The following AKNA variants were observed in gnomAD, a reference collection of about 807,000 sequenced individuals.
The protein encoded by AKNA is AT-hook transcription factor.
A neutral mutation model predicts 138.8 loss-of-function variants in AKNA; 67 were observed. The observed-to-expected ratio is 0.48, with a 90% CI of 0.40 to 0.59. The LOEUF (loss-of-function observed/expected upper bound fraction) is 0.59, where lower values mean the gene tolerates loss of function less well. Ranked by LOEUF, AKNA falls within the 20% of genes least tolerant of loss-of-function variation. AKNA has a pLI of 0.00. For synonymous variants in AKNA, 737 were observed against 754.4 expected, an observed-to-expected ratio of 0.98 and a Z score of 0.38; for missense variants, 1,813 against 1,880.4, an observed-to-expected ratio of 0.96 and a Z score of 0.66.
chr9:114,346,499 G>A lies in AKNA; in HGVS notation c.3514+170C>T, dbSNP rs113071841. Reference sequence around the variant, plus strand: ...CAGACACCCTACACGCAGTAGGTGTGCAGGACTTTAGAAGTGCTCTGTGCT... The same window carrying A: ...CAGACACCCTACACGCAGTAGGTGTACAGGACTTTAGAAGTGCTCTGTGCT... On this transcript the variant is annotated intron_variant, in intron 17 of 21. Transcript: ENST00000374088. Among the ~76,000 whole-genome samples, 6 of 152,372 alleles carry A rather than the reference G, an allele frequency of 3.9e-5. 1 individual carries two copies. The highest frequency in any genetic ancestry group is 1.4e-4 in the African/African-American group (6 of 41,590).
intron 20 of AKNA, 91 bp from the exon 21 acceptor site, chr9:114,341,816 G>A: frequency 1.1e-5 from 15 of 1,420,306 alleles, no homozygotes; most frequent in Non-Finnish European, 1.4e-5. Context: ...CTTCCCCTAT[G>A]AGAGCTGGAC....
intron 17 of AKNA, 46 bp from the exon 18 acceptor site, chr9:114,346,055 T>G: frequency 6.8e-7 from 1 of 1,461,274 alleles, no homozygotes; most frequent in Non-Finnish European, 9.5e-7. Flanking sequence ...GGGGTGGGGG[T>G]CACATTTCTC....
intron 18 of AKNA, chr9:114,344,803 TC>T: frequency 6.3e-6 from 1 of 159,002 alleles, no homozygotes; most frequent in Non-Finnish European, 1.4e-5. Context: ...TGCTAGTAAG[TC>T]CACAGAGAGA....
chr9:114,345,576 G>C (rs1830626569), intron 18 of AKNA: 1 of 310,450 alleles, frequency 3.2e-6, no homozygotes, highest in Non-Finnish European at 6.0e-6. Flanking sequence ...CAGGTGATCA[G>C]AACTTCTTTA....
At chr9:114,346,568 C>T in intron 17 of AKNA, 101 bp downstream of exon 17, 2 of 929,496 alleles carry the variant, frequency 2.2e-6, no homozygotes, top group Non-Finnish European at 3.2e-6. Context: ...AAAAACCCTT[C>T]TCCAAGTTTC....
chr9:114,379,884 C>T (rs1321887929), intron 2 of AKNA, among the ~76,000 whole-genome samples: 1 of 152,208 alleles, frequency 6.6e-6, no homozygotes, highest in African/African-American at 2.4e-5. Context: ...GGCATGACGG[C>T]TCGCATCTGT....
chr9:114,349,895 T>C (rs1216300292), intron 15 of AKNA, among the ~76,000 whole-genome samples: 1 of 152,214 alleles, frequency 6.6e-6, no homozygotes, highest in African/African-American at 2.4e-5. Context: ...CTCTCTTCCT[T>C]CTGATGTCTG....
rs370887054 is a variant in AKNA, at chr9:114,343,688, T to C, written c.3757+20A>G. ...GCAGCCACAGCTGCCTGGGCCAGTT[T>C]TCCAGGTGCCATTCCTTACCCGCAT... On this transcript the variant is annotated intron_variant, in intron 19 of 21. Coordinates refer to ENST00000374088, the MANE Select transcript of AKNA (RefSeq NM_001317950.2). 1,291 of 1,613,022 alleles carry C rather than the reference T, an allele frequency of 8.0e-4. No homozygotes were observed. The highest frequency in any genetic ancestry group is 1.0e-3 in the Non-Finnish European group (1,198 of 1,178,952).
At chr9:114,386,230 A>G (rs1834021313) in intron 1 of AKNA, among the ~76,000 whole-genome samples, 1 of 152,242 alleles carries the variant, frequency 6.6e-6, no homozygotes, top group African/African-American at 2.4e-5. Context: ...GTAAGATGCA[A>G]AGAATATAGA....
rs1833277716 is a variant in AKNA, at chr9:114,377,007, G to C, written c.800C>G (p.Ala267Gly). The C allele has an allele frequency of 6.2e-7, 1 of 1,614,084 alleles. No homozygotes were observed. The highest frequency in any genetic ancestry group is 8.5e-7 in the Non-Finnish European group (1 of 1,180,026). ...ATGCTGCGGACTCTGGGCTGGGGGA[G>C]CTGAGGAGTCCTGGAATTCCATGGG... ...ATPMEFQDSS[A>G]PPAQSPQHAT... Residue 267 changes from alanine (A) to glycine (G), a missense_variant, in exon 3 of 22, where the codon GCT becomes GGT. By Grantham distance (60) the Ala-to-Gly change is moderately conservative (BLOSUM62 0). Coordinates refer to ENST00000374088, the MANE Select transcript of AKNA (RefSeq NM_001317950.2).
intron 2 of AKNA, among the ~76,000 whole-genome samples, chr9:114,379,910 G>A (rs920790236): frequency 3.9e-5 from 6 of 152,186 alleles, no homozygotes; most frequent in African/African-American, 1.4e-4. Context: ...CAGCATTTTG[G>A]GAGGCCAAGG....
At chr9:114,352,129 T>C (rs1831167723) in intron 14 of AKNA, among the ~76,000 whole-genome samples, 1 of 152,112 alleles carries the variant, frequency 6.6e-6, no homozygotes, top group African/African-American at 2.4e-5. Context: ...ATGAGGCTCC[T>C]TGTGGTGATG....
At chr9:114,331,138 C>G (rs1023816190), downstream of AKNA, among the ~76,000 whole-genome samples, 1 of 152,080 alleles carries the variant, frequency 6.6e-6, no homozygotes, top group African/African-American at 2.4e-5. Flanking sequence ...TCAGATCTGC[C>G]TCTCTCTCAC....
Position 114,377,263 on chromosome 9 carries a change from T to G in AKNA, c.544A>C (p.Lys182Gln), listed in dbSNP as rs1339833981. 6.2e-7 allele frequency: 1 copy of G among 1,614,190 alleles called. No individual in the cohort carries two copies. Among genetic ancestry groups the G allele is most frequent in the East Asian group, 2.2e-5 (1 of 44,884 alleles). ...TTGACCTCGGAATGTTCAGAAAGTT[T>G]GTCCCCACTGGCTTGTTCGCCAGAA... ...VASGEQASGD[K>Q]LSEHSEVNPS... is the part of the protein sequence containing the mutation. The change falls in exon 3 of 22, where the codon AAA (lysine) becomes CAA (glutamine). Residue 182 changes from lysine to glutamine, a missense_variant. Transcript: ENST00000374088.
intron 14 of AKNA, among the ~76,000 whole-genome samples, chr9:114,352,373 G>A (rs970702925): frequency 1.3e-5 from 2 of 152,100 alleles, no homozygotes; most frequent in African/African-American, 2.4e-5. Flanking sequence ...TGAGGCGGGC[G>A]GATCACTTGA....
chr9:114,338,571 C>T (rs1021515687), intron 21 of AKNA, among the ~76,000 whole-genome samples: 9 of 152,160 alleles, frequency 5.9e-5, no homozygotes, highest in Non-Finnish European at 7.4e-5. Context: ...ATGAGCAAAG[C>T]GGAGCTCAGA....
intron 2 of AKNA, among the ~76,000 whole-genome samples, chr9:114,380,124 C>G (rs541051412): frequency 6.6e-6 from 1 of 152,084 alleles, no homozygotes; most frequent in African/African-American, 2.4e-5. Flanking sequence ...GCACTCCAGC[C>G]TGGGCAACAG....
Position 114,376,788 on chromosome 9 carries a change from C to T in AKNA, c.1019G>A (p.Gly340Asp), listed in dbSNP as rs1304418202. The T allele has an allele frequency of 6.2e-7, 1 of 1,612,150 alleles. No individual in the cohort carries two copies. Among genetic ancestry groups the T allele is most frequent in the Non-Finnish European group, 8.5e-7 (1 of 1,178,892 alleles). The part of the protein sequence containing the change: ...PLPRQGATLA[G>D]RSSSNAPKYG... ...CTTGGGGGCATTAGAAGAGGAGCGG[C>T]CAGCCAGAGTGGCTCCCTGTCTGGG... The change falls in exon 3 of 22, where the codon GGC becomes GAC. Residue 340 changes from glycine to aspartate, a missense_variant. By Grantham distance (94) the Gly-to-Asp change is moderately conservative (BLOSUM62 -1). Transcript: ENST00000374088.
At chr9:114,362,365 C>T in intron 8 of AKNA, 41 bp downstream of exon 8, 1 of 1,586,266 alleles carries the variant, frequency 6.3e-7, no homozygotes, top group Non-Finnish European at 8.6e-7. Context: ...CCCAGGGGCC[C>T]ATCCCATCTG....
Sources: allele counts gnomAD v4.1 joint callset (sites outside exome capture counted in the v4.1 genomes callset), GRCh38; gene constraint gnomAD v4.1.1; transcripts MANE v1.5; gene names NCBI Gene and HGNC (gene_info 2026-07-23, HGNC 2026-07-21).